COL23A1: variants seen among roughly 807,000 people sequenced by gnomAD.
COL23A1 encodes collagen alpha-1(XXIII) chain.
COL23A1 carries 97 observed loss-of-function variants against 99.3 expected under a neutral mutation model. The observed-to-expected ratio is 0.98, with a 90% CI of 0.83 to 1.16. The LOEUF (loss-of-function observed/expected upper bound fraction) is 1.16. COL23A1 is among the 50% of genes most tolerant of loss of function. The pLI is 0.00. For missense variants in COL23A1, 762 were observed against 757.4 expected (o/e 1.01, Z -0.07); for synonymous variants, 320 against 308.2 (o/e 1.04, Z -0.40).
At chr5:178,355,353 G>C (rs945744829) in intron 2 of COL23A1, among the ~76,000 whole-genome samples, 6 of 152,114 alleles carry the variant, frequency 3.9e-5, no homozygotes, top group Non-Finnish European at 7.4e-5. Context: ...GTATCTGCAG[G>C]GGGGTCCTGG....
At chr5:178,502,680 T>C (rs7725010) in intron 2 of COL23A1, among the ~76,000 whole-genome samples, 3,583 of 152,312 alleles carry the variant, frequency 0.024, 155 homozygotes, top group African/African-American at 0.082. Flanking sequence ...AACGTTAGGA[T>C]GTTTGGAAAA....
intron 2 of COL23A1, among the ~76,000 whole-genome samples, chr5:178,408,973 A>ACACAC (rs1189863769): frequency 1.6e-5 from 1 of 61,918 alleles, no homozygotes; most frequent in East Asian, 1.1e-3. Flanking sequence ...AAAAAAAAAA[A>ACACAC]ATACACACAC....
rs187579541 is a variant in COL23A1 at position 178,283,659 on chromosome 5, A to G, written c.441+4665T>C. On this transcript the variant is annotated intron_variant, in intron 5 of 28. Coordinates refer to ENST00000390654, the MANE Select transcript of COL23A1 (RefSeq NM_173465.4). ...TTAATGTTAAGAGTTAAGACAATCA[A>G]ACTACCAAAGAAGAGGAAAAGCAAA... Among the ~76,000 whole-genome samples the G allele has an allele frequency of 7.2e-5, 11 of 152,340 alleles. No homozygotes were observed. The East Asian group carries it at 1.9e-3, about 27-fold the overall frequency.
intron 2 of COL23A1, among the ~76,000 whole-genome samples, chr5:178,552,263 C>T (rs529428882): frequency 6.6e-6 from 1 of 152,184 alleles, no homozygotes; most frequent in Admixed American, 6.5e-5. Context: ...AATAGCTCCC[C>T]CAGGACCAGC....
intron 2 of COL23A1, among the ~76,000 whole-genome samples, chr5:178,560,197 A>G (rs559035082): frequency 6.5e-4 from 99 of 152,360 alleles, no homozygotes; most frequent in African/African-American, 2.3e-3. Context: ...GATAATTTGA[A>G]TAATTCAGAC....
intron 2 of COL23A1, among the ~76,000 whole-genome samples, chr5:178,441,033 G>A (rs1455185163): frequency 6.6e-6 from 1 of 152,176 alleles, no homozygotes; most frequent in African/African-American, 2.4e-5. Flanking sequence ...ACTAGACAAG[G>A]CACTCCTTGA....
At chr5:178,558,166 G>A (rs984664151) in intron 2 of COL23A1, among the ~76,000 whole-genome samples, 3 of 151,778 alleles carry the variant, frequency 2.0e-5, no homozygotes, top group African/African-American at 7.3e-5. Context: ...CTTTCTAGAG[G>A]AGTTCAGGAC....
At chr5:178,547,995 ACCCCCATACC>A (rs1562078349) in intron 2 of COL23A1, among the ~76,000 whole-genome samples, 1 of 4,920 alleles carries the variant, frequency 2.0e-4, no homozygotes, top group Non-Finnish European at 3.6e-4. Context: ...CCCCCCACAC[ACCCCCATACC>A]CACCCACACA....
chr5:178,357,477 C>T (rs1225342985), intron 2 of COL23A1, among the ~76,000 whole-genome samples: 1 of 152,204 alleles, frequency 6.6e-6, no homozygotes, highest in Non-Finnish European at 1.5e-5. Context: ...AACTGTGCGC[C>T]TTTGAGGTTT....
rs58417444 is a variant in COL23A1, at chr5:178,400,366, C to CAAAA, written c.362-93451_362-93448dup. 1.2e-3 allele frequency among the ~76,000 whole-genome samples: 75 copies of CAAAA among 62,648 alleles called. 1 individual carries two copies. Among genetic ancestry groups the CAAAA allele is most frequent in the African/African-American group, 1.8e-3 (27 of 14,760 alleles). 41.1% of individuals were successfully genotyped at this position (62,648 alleles called of 152,430 possible). A position where few individuals can be genotyped will look rare whatever the true frequency, so the allele number is the denominator to read the frequency against. ...TGGGCGACAGAGCGAGACTCCGTCT[C>CAAAA]AAAAAAAAAAAAAAAAAAAAAAGTC... On this transcript the variant is annotated intron_variant, in intron 2 of 28. Transcript: ENST00000390654.
At chr5:178,249,712 A>ACTCTCTCTCTCT (rs1425842167) in intron 18 of COL23A1, among the ~76,000 whole-genome samples, 3 of 90,654 alleles carry the variant, frequency 3.3e-5, no homozygotes, top group Admixed American at 2.4e-4. Context: ...ACACACACAC[A>ACTCTCTCTCTCT]CACACTCTCT....
chr5:178,553,393 C>T (rs774634673), intron 2 of COL23A1, among the ~76,000 whole-genome samples: 1 of 152,176 alleles, frequency 6.6e-6, no homozygotes, highest in Non-Finnish European at 1.5e-5. Context: ...CACTCCTCTA[C>T]GCAAACTGCC....
At chr5:178,576,244 T>C (rs1763349389) in intron 1 of COL23A1, among the ~76,000 whole-genome samples, 1 of 152,140 alleles carries the variant, frequency 6.6e-6, no homozygotes, top group Admixed American at 6.5e-5. Flanking sequence ...CCATTCATTA[T>C]CCTTTTTTTT....
At chr5:178,523,191 TATATATATATAG>T (rs1562051735) in intron 2 of COL23A1, among the ~76,000 whole-genome samples, 12 of 80,860 alleles carry the variant, frequency 1.5e-4, no homozygotes, top group African/African-American at 2.8e-4. Context: ...CATATATATA[TATATATATATAG>T]AGAGAGAGAG....
chr5:178,453,227 G>C (rs1767587803), intron 2 of COL23A1, among the ~76,000 whole-genome samples: 1 of 152,208 alleles, frequency 6.6e-6, no homozygotes, highest in Non-Finnish European at 1.5e-5. Context: ...ATTATCTCTG[G>C]AGGGACACTG....
chr5:178,407,346 G>A (rs1764819731), intron 2 of COL23A1, among the ~76,000 whole-genome samples: 2 of 152,330 alleles, frequency 1.3e-5, no homozygotes. Context: ...CATCAGCATG[G>A]TGTCGGAGGG....
rs1763748528 is a variant in COL23A1 at position 178,387,739 on chromosome 5, G to A, written c.362-80820C>T. On this transcript the variant is annotated intron_variant, in intron 2 of 28. Transcript: ENST00000390654. The surrounding 1 kb of genome is among the most constrained non-coding windows in gnomAD (Gnocchi z 4.7). ...AATGAACGAACGACAATGAGGCAGT[G>A]GGTCTGAGTTCTCCCTACAGACAGT... 1.3e-5 allele frequency among the ~76,000 whole-genome samples: 2 copies of A among 152,320 alleles called. No homozygotes were observed. The highest frequency in any genetic ancestry group is 1.9e-4 in the East Asian group (1 of 5,180).
chr5:178,443,142 T>A (rs1448734277), intron 2 of COL23A1: 3 of 152,292 alleles, frequency 2.0e-5, no homozygotes, highest in Non-Finnish European at 4.4e-5. Context: ...CCCACCCACC[T>A]ACAGCGTTTC....
At chr5:178,525,656 AGCGC>A (rs1366007481) in intron 2 of COL23A1, among the ~76,000 whole-genome samples, 5 of 63,048 alleles carry the variant, frequency 7.9e-5, no homozygotes, top group African/African-American at 3.1e-4. Context: ...ATGGCGACAC[AGCGC>A]GCAGACCCCA....
Sources: gnomAD v4.1 joint callset for allele counts (sites outside exome capture counted in the v4.1 genomes callset) on GRCh38, gnomAD v4.1.1 for gene constraint, Gnocchi (gnomAD v3.1) non-coding constraint, MANE v1.5 for transcripts, NCBI Gene and HGNC (gene_info 2026-07-23, HGNC 2026-07-21) for gene names.